MSH3: variants seen among roughly 807,000 people sequenced by gnomAD.
MSH3 encodes mutS homolog 3, also known as DNA mismatch repair protein Msh3.
A neutral mutation model predicts 123.3 loss-of-function variants in MSH3; 106 were observed. That is an observed-to-expected ratio of 0.86 (90% confidence interval 0.73 to 1.01). The LOEUF (loss-of-function observed/expected upper bound fraction) is 1.01. Among genes scored for constraint, MSH3 ranks in the 50% least tolerant of loss-of-function variants. MSH3 has a pLI of 0.00. For synonymous variants in MSH3, 515 were observed against 481.4 expected (o/e 1.07, Z -0.91); for missense variants, 1,459 against 1,347.6 (o/e 1.08, Z -1.29).
chr5:80,660,920 T>G (rs1249504383), intron 2 of MSH3, among the ~76,000 whole-genome samples: 1 of 152,144 alleles, frequency 6.6e-6, no homozygotes, highest in Non-Finnish European at 1.5e-5. Flanking sequence ...TGCCTCAGCC[T>G]CTGGAGTAGC....
In MSH3 at chr5:80,709,458, T is replaced by TA. The variant is rs112326637; in HGVS notation, c.1341-15990dup. ...TAACATGGTGAAACTCCGTCTCTAC[T>TA]AAAAATACAAAAAATTAGCCTAGCG... On this transcript the variant is annotated intron_variant, in intron 8 of 23. Transcript: ENST00000265081. 2.5e-3 allele frequency among the ~76,000 whole-genome samples: 385 copies of TA among 152,146 alleles called. 2 individuals carry two copies. Among genetic ancestry groups the TA allele is most frequent in the African/African-American group, 9.0e-3 (374 of 41,514 alleles).
chr5:80,830,696 C>T (rs1745400694), intron 20 of MSH3, among the ~76,000 whole-genome samples: 1 of 152,214 alleles, frequency 6.6e-6, no homozygotes, highest in East Asian at 1.9e-4. Context: ...GTTGCCCAGT[C>T]AGCACAGTGT....
intron 8 of MSH3, among the ~76,000 whole-genome samples, chr5:80,689,066 C>T (rs933700562): frequency 4.6e-5 from 7 of 152,152 alleles, no homozygotes; most frequent in African/African-American, 1.7e-4. Context: ...AGAAAGAGGG[C>T]ATTCCAGGAA....
intron 20 of MSH3, among the ~76,000 whole-genome samples, chr5:80,833,483 G>A (rs540672379): frequency 3.3e-5 from 5 of 151,938 alleles, no homozygotes; most frequent in South Asian, 2.1e-4. Flanking sequence ...TCGCTCTGTC[G>A]CCAGGCTGGA....
At chr5:80,685,647 G>T (rs1047169985) in intron 8 of MSH3, among the ~76,000 whole-genome samples, 1 of 151,426 alleles carries the variant, frequency 6.6e-6, no homozygotes, top group African/African-American at 2.4e-5. Context: ...CTTTGTTTCA[G>T]TTTCATTTAT....
At chr5:80,667,614 C>A (rs1272931026) in intron 3 of MSH3, among the ~76,000 whole-genome samples, 1 of 152,202 alleles carries the variant, frequency 6.6e-6, no homozygotes, top group Non-Finnish European at 1.5e-5. Flanking sequence ...ACCATGGGGT[C>A]TGGCCCCTGT....
Position 80,873,137 on chromosome 5 carries a change from A to C in MSH3, c.3152A>C (p.Asp1051Ala). 1 of 1,613,740 alleles carries C rather than the reference A, an allele frequency of 6.2e-7. No individual in the cohort carries two copies. The highest frequency in any genetic ancestry group is 8.5e-7 in the Non-Finnish European group (1 of 1,179,708). Residue 1051 changes from aspartate to alanine, a missense_variant, in exon 23 of 24, where the codon GAT becomes GCT. Asp to Ala is a moderately radical substitution (Grantham distance 126). Transcript: ENST00000265081. Reference protein sequence around the residue: ...LDPGAAEQVPDFVTFLYQITR... With the variant: ...LDPGAAEQVPAFVTFLYQITR... Reference sequence around the variant, plus strand: ...ACAGGCGCAGCAGAACAAGTCCCTGATTTTGTCACCTTCCTTTACCAAATA... The same window carrying C: ...ACAGGCGCAGCAGAACAAGTCCCTGCTTTTGTCACCTTCCTTTACCAAATA...
intron 17 of MSH3, among the ~76,000 whole-genome samples, chr5:80,781,657 A>G (rs1290304406): frequency 6.6e-6 from 1 of 152,006 alleles, no homozygotes; most frequent in African/African-American, 2.4e-5. Context: ...TTGTAGAGAC[A>G]GGGTTTCTCT....
At chr5:80,750,240 T>C (rs1743809376) in intron 12 of MSH3, among the ~76,000 whole-genome samples, 1 of 152,108 alleles carries the variant, frequency 6.6e-6, no homozygotes, top group African/African-American at 2.4e-5. Flanking sequence ...TTTCAATTCC[T>C]TTGGATATAT....
At chr5:80,668,142 G>A (rs1401312313) in intron 3 of MSH3, among the ~76,000 whole-genome samples, 1 of 152,154 alleles carries the variant, frequency 6.6e-6, no homozygotes, top group African/African-American at 2.4e-5. Flanking sequence ...CCTGGAGTGG[G>A]TAGCTCCTCT....
intron 22 of MSH3, 31 bp from the exon 23 acceptor site, chr5:80,873,083 GCA>G: frequency 6.3e-7 from 1 of 1,588,956 alleles, no homozygotes; most frequent in Middle Eastern, 1.7e-4. Context: ...CAGCTTTCAG[GCA>G]CAGTTTTGAT....
At chr5:80,746,296 A>G (rs1743718688) in intron 12 of MSH3, 2 of 314,872 alleles carry the variant, frequency 6.4e-6, no homozygotes, top group South Asian at 2.7e-5. Context: ...GGCAGCTAGT[A>G]TTTGGAACAA....
chr5:80,761,951 C>A (rs2112880309), intron 13 of MSH3, among the ~76,000 whole-genome samples: 1 of 151,910 alleles, frequency 6.6e-6, no homozygotes, highest in East Asian at 1.9e-4. Flanking sequence ...CCTGTTTCAT[C>A]CTGAAAGTAC....
chr5:80,763,651 G>C (rs948736940), intron 13 of MSH3, among the ~76,000 whole-genome samples: 8 of 152,200 alleles, frequency 5.3e-5, no homozygotes, highest in African/African-American at 1.9e-4. Context: ...CAGAAGCAAA[G>C]CTGAAAATCT....
intron 2 of MSH3, among the ~76,000 whole-genome samples, chr5:80,664,929 AG>A (rs553042338): frequency 1.3e-5 from 2 of 152,172 alleles, no homozygotes; most frequent in African/African-American, 2.4e-5. Flanking sequence ...TATAGTAATG[AG>A]GTTTCAGGAA....
chr5:80,713,371 T>C (rs1029344370), intron 8 of MSH3, among the ~76,000 whole-genome samples: 1 of 152,164 alleles, frequency 6.6e-6, no homozygotes, highest in African/African-American at 2.4e-5. Context: ...GTGAAAAGGA[T>C]TTCTTTTTTT....
At chr5:80,747,943 C>T (rs1363690563) in intron 12 of MSH3, among the ~76,000 whole-genome samples, 1 of 152,096 alleles carries the variant, frequency 6.6e-6, no homozygotes, top group Non-Finnish European at 1.5e-5. Context: ...AATGTATCCC[C>T]ATCATTAAGT....
At chr5:80,871,240 G>C (rs530743587) in intron 22 of MSH3, among the ~76,000 whole-genome samples, 1 of 152,134 alleles carries the variant, frequency 6.6e-6, no homozygotes, top group Non-Finnish European at 1.5e-5. Flanking sequence ...CTTGGGGTGA[G>C]GGGGATAGAC....
At chr5:80,655,075 A>G in intron 1 of MSH3, 111 bp downstream of exon 1, 1 of 628,726 alleles carries the variant, frequency 1.6e-6, no homozygotes, top group South Asian at 2.5e-5. Flanking sequence ...TGGAGGAGGA[A>G]GGGGCGGGCT....
Sources: gnomAD v4.1 joint callset for allele counts (sites outside exome capture counted in the v4.1 genomes callset) on GRCh38, gnomAD v4.1.1 for gene constraint, MANE v1.5 for transcripts, NCBI Gene and HGNC (gene_info 2026-07-23, HGNC 2026-07-21) for gene names.